HIVEP3: variants seen among roughly 807,000 people sequenced by gnomAD.
HIVEP3 encodes the protein HIVEP zinc finger 3, also known as transcription factor HIVEP3.
In HIVEP3, 49 loss-of-function variants were observed where a neutral mutation model predicts 152.8. That is an observed-to-expected ratio of 0.32 (90% CI 0.26 to 0.41). The LOEUF (loss-of-function observed/expected upper bound fraction) is 0.41. Among genes scored for constraint, HIVEP3 ranks in the 10% least tolerant of loss-of-function variants. The probability of loss-of-function intolerance (pLI) is 1.00; values close to 1 mark genes in which losing one functional copy is unlikely to be tolerated. For synonymous variants in HIVEP3, 1,269 were observed against 1,289.0 expected (o/e 0.98, Z 0.33); for missense variants, 2,790 against 3,103.3 (o/e 0.90, Z 2.40).
intron 5 of HIVEP3, among the ~76,000 whole-genome samples, chr1:41,574,318 A>T (rs1168034228): frequency 6.6e-6 from 1 of 152,160 alleles, no homozygotes. Flanking sequence ...GTCCCTCCCC[A>T]CACGGAAAGA....
chr1:41,818,588 AC>A (rs1322365838), intron 1 of HIVEP3, among the ~76,000 whole-genome samples: 1 of 152,186 alleles, frequency 6.6e-6, no homozygotes, highest in East Asian at 1.9e-4. Context: ...CCATTGAAAC[AC>A]CACGCAGTCA....
At position 41,808,079 on chromosome 1, in the gene HIVEP3, G is replaced by A. The variant is rs79212745; in HGVS notation, c.-800-107084C>T. Reference sequence around the variant, plus strand: ...CACTATGGGCTAGACATTGTCCTAAGCACTTCATAAACACTACCCCCATTT... The same window carrying A: ...CACTATGGGCTAGACATTGTCCTAAACACTTCATAAACACTACCCCCATTT... On this transcript the variant is annotated intron_variant, in intron 1 of 8. Coordinates refer to ENST00000372583, the MANE Select transcript of HIVEP3 (RefSeq NM_024503.5). Among the ~76,000 whole-genome samples the A allele has an allele frequency of 2.3e-3, 346 of 152,316 alleles. 2 individuals carry two copies. Among genetic ancestry groups the A allele is most frequent in the East Asian group, 0.017 (87 of 5,184 alleles).
chr1:41,741,910 C>T (rs1018562801), intron 1 of HIVEP3, among the ~76,000 whole-genome samples: 3 of 152,252 alleles, frequency 2.0e-5, no homozygotes, highest in Admixed American at 2.0e-4. Flanking sequence ...CTTTTCCCTT[C>T]AACTGTCTAA....
chr1:41,753,670 A>AAAATAAATAAATAAATAAATAAAT (rs3064234), intron 1 of HIVEP3, among the ~76,000 whole-genome samples: 2 of 141,004 alleles, frequency 1.4e-5, no homozygotes, highest in Non-Finnish European at 3.1e-5. Context: ...CGCCGTCTCA[A>AAAATAAATAAATAAATAAATAAAT]AAATAAATAA....
chr1:41,757,807 G>C (rs1647414520), intron 1 of HIVEP3, among the ~76,000 whole-genome samples: 1 of 151,794 alleles, frequency 6.6e-6, no homozygotes, highest in Non-Finnish European at 1.5e-5. Context: ...TTTGCCTCCT[G>C]GGTTCAAACT....
At chr1:41,667,826 C>G (rs1645818815) in intron 2 of HIVEP3, among the ~76,000 whole-genome samples, 1 of 152,120 alleles carries the variant, frequency 6.6e-6, no homozygotes, top group South Asian at 2.1e-4. Flanking sequence ...TTTAAAGTAT[C>G]AATAACAGAA....
At chr1:41,782,875 A>T (rs1358438137) in intron 1 of HIVEP3, among the ~76,000 whole-genome samples, 1 of 152,192 alleles carries the variant, frequency 6.6e-6, no homozygotes, top group Non-Finnish European at 1.5e-5. Context: ...TTAGGAGATG[A>T]TGTGACCAGG....
intron 1 of HIVEP3, among the ~76,000 whole-genome samples, chr1:41,926,741 G>T (rs1033180730): frequency 1.3e-5 from 2 of 152,102 alleles, no homozygotes; most frequent in African/African-American, 4.8e-5. Flanking sequence ...AACAAAGAAA[G>T]GAATATTAAG....
chr1:41,676,057 TTTC>T (rs1223374487), intron 2 of HIVEP3, among the ~76,000 whole-genome samples: 9 of 148,690 alleles, frequency 6.1e-5, no homozygotes, highest in African/African-American at 2.3e-4. Context: ...TTTTCTTTTC[TTTC>T]TTTTTTTTTT....
chr1:41,772,463 G>A (rs138073161), intron 1 of HIVEP3, among the ~76,000 whole-genome samples: 8 of 152,146 alleles, frequency 5.3e-5, no homozygotes, highest in African/African-American at 1.4e-4. Flanking sequence ...TATGATGCAC[G>A]GGAGAGGTGG....
chr1:41,661,203 A>G (rs1645706566), intron 2 of HIVEP3, among the ~76,000 whole-genome samples: 1 of 152,240 alleles, frequency 6.6e-6, no homozygotes, highest in Admixed American at 6.5e-5. Context: ...TAAGGGATAG[A>G]CCCATAATTT....
At chr1:41,985,176 A>T (rs1005648062) in intron 1 of HIVEP3, among the ~76,000 whole-genome samples, 1 of 152,160 alleles carries the variant, frequency 6.6e-6, no homozygotes, top group African/African-American at 2.4e-5. Flanking sequence ...AACTATGCTA[A>T]GCATGGTGAG....
intron 1 of HIVEP3, among the ~76,000 whole-genome samples, chr1:41,855,346 C>A (rs1436163556): frequency 6.6e-6 from 1 of 152,148 alleles, no homozygotes; most frequent in Non-Finnish European, 1.5e-5. Flanking sequence ...ACAAAATTGA[C>A]AAATGGGATC....
At chr1:41,828,243 C>T (rs1050412228) in intron 1 of HIVEP3, among the ~76,000 whole-genome samples, 4 of 152,194 alleles carry the variant, frequency 2.6e-5, no homozygotes, top group Admixed American at 6.5e-5. Context: ...CCCTGCTGGA[C>T]AGCAGGACTC....
chr1:41,838,766 GA>G (rs1643201108), intron 1 of HIVEP3, among the ~76,000 whole-genome samples: 2 of 152,256 alleles, frequency 1.3e-5, no homozygotes, highest in African/African-American at 2.4e-5. Context: ...ACAGTGAGAG[GA>G]AGGACTCTGC....
At chr1:41,695,101 C>T (rs527752194) in intron 2 of HIVEP3, among the ~76,000 whole-genome samples, 2 of 152,136 alleles carry the variant, frequency 1.3e-5, no homozygotes, top group Non-Finnish European at 2.9e-5. Flanking sequence ...TAAATCATTC[C>T]TAAAGAGCTT....
chr1:41,976,321 G>C (rs1270106757), intron 1 of HIVEP3, among the ~76,000 whole-genome samples: 1 of 152,158 alleles, frequency 6.6e-6, no homozygotes, highest in Non-Finnish European at 1.5e-5. Context: ...AGGCTCAGAG[G>C]GGATGAGCAA....
At chr1:41,809,770 TC>T (rs1650839679) in intron 1 of HIVEP3, among the ~76,000 whole-genome samples, 2 of 151,958 alleles carry the variant, frequency 1.3e-5, no homozygotes, top group South Asian at 2.1e-4. Flanking sequence ...AAAAAGACAC[TC>T]AGTAAACACA....
chr1:41,834,819 G>A (rs115837135), intron 1 of HIVEP3, among the ~76,000 whole-genome samples: 61 of 152,290 alleles, frequency 4.0e-4, no homozygotes, highest in Admixed American at 1.1e-3. Context: ...AGAATGAAGT[G>A]TTGGGAACAC....
Sources: allele counts gnomAD v4.1 joint callset (sites outside exome capture counted in the v4.1 genomes callset), GRCh38; gene constraint gnomAD v4.1.1; transcripts MANE v1.5; gene names NCBI Gene and HGNC (gene_info 2026-07-23, HGNC 2026-07-21).